NRXN3: variants seen among roughly 807,000 people sequenced by gnomAD.
NRXN3 encodes neurexin III.
A neutral mutation model predicts 137.6 loss-of-function variants in NRXN3; 32 were observed. The ratio of observed to expected loss-of-function variants is 0.23; its 90% CI spans 0.18 to 0.31. The LOEUF (loss-of-function observed/expected upper bound fraction) is 0.31, where lower values mean the gene tolerates loss of function less well. Among genes scored for constraint, NRXN3 ranks in the 10% least tolerant of loss-of-function variants. The pLI, the probability that NRXN3 is intolerant of heterozygous loss-of-function variation, is 1.00. For missense variants in NRXN3, 1,574 were observed against 2,062.5 expected (o/e 0.76, Z 4.59); for synonymous variants, 798 against 784.5 (o/e 1.02, Z -0.29).
intron 4 of NRXN3, among the ~76,000 whole-genome samples, chr14:78,483,484 A>G (rs886832398): frequency 1.3e-5 from 2 of 152,168 alleles, no homozygotes; most frequent in Non-Finnish European, 2.9e-5. Context: ...AATCCAACAA[A>G]TCAACTACTA....
chr14:78,719,132 A>G (rs1355268686), intron 8 of NRXN3, among the ~76,000 whole-genome samples: 2 of 152,210 alleles, frequency 1.3e-5, no homozygotes, highest in Non-Finnish European at 1.5e-5. Context: ...ATTTTAGACC[A>G]TTGCTGAATC....
intron 14 of NRXN3, among the ~76,000 whole-genome samples, chr14:78,982,001 A>G (rs2099490639): frequency 1.3e-5 from 2 of 152,170 alleles, no homozygotes; most frequent in South Asian, 2.1e-4. Context: ...TAGTTATTAC[A>G]TACTGTACTT....
chr14:78,744,844 T>C (rs1157704414), intron 8 of NRXN3: 1 of 152,130 alleles, frequency 6.6e-6, no homozygotes, highest in African/African-American at 2.4e-5. Flanking sequence ...AACTGGGGCA[T>C]GTAGGGGCAA....
intron 8 of NRXN3, among the ~76,000 whole-genome samples, chr14:78,783,376 A>G (rs897374109): frequency 6.6e-6 from 1 of 152,248 alleles, no homozygotes; most frequent in African/African-American, 2.4e-5. Flanking sequence ...AAAAGACATG[A>G]AAGACAACAA....
At chr14:78,750,098 A>G (rs1218832254) in intron 8 of NRXN3, among the ~76,000 whole-genome samples, 2 of 152,226 alleles carry the variant, frequency 1.3e-5, no homozygotes, top group Admixed American at 6.5e-5. Flanking sequence ...CCATGAATCT[A>G]GCTTCCGCTA....
At position 78,889,499 on chromosome 14, in the gene NRXN3, G is replaced by A. The variant is rs148275262; in HGVS notation, c.2276-67743G>A. On this transcript the variant is annotated intron_variant, in intron 10 of 20. Coordinates refer to ENST00000335750, the MANE Select transcript of NRXN3 (RefSeq NM_001330195.2). ...GTGGCTAGCTCCTTTCATGATTTTG[G>A]GAATGGCTACCTCTCAGTTTTCTGA... Among the ~76,000 whole-genome samples, 760 of 151,974 alleles carry A rather than the reference G, an allele frequency of 5.0e-3. 10 individuals carry two copies. Among genetic ancestry groups the A allele is most frequent in the African/African-American group, 0.016 (681 of 41,494 alleles).
At chr14:79,174,699 A>T (rs959576250) in intron 15 of NRXN3, among the ~76,000 whole-genome samples, 1 of 151,514 alleles carries the variant, frequency 6.6e-6, no homozygotes, top group African/African-American at 2.4e-5. Context: ...TAAGTAAATT[A>T]TAGTAAATCC....
chr14:78,500,672 T>C (rs185515128), intron 4 of NRXN3, among the ~76,000 whole-genome samples: 35 of 152,296 alleles, frequency 2.3e-4, no homozygotes, highest in African/African-American at 4.8e-4. Flanking sequence ...CTTAGGGTCC[T>C]AAGAGAAGAC....
At position 78,709,454 on chromosome 14, in the gene NRXN3, A is replaced by G. The variant is rs1464477175; in HGVS notation, c.1459A>G (p.Thr487Ala). 6.2e-7 allele frequency: 1 copy of G among 1,613,966 alleles called. No individual in the cohort carries two copies. Among genetic ancestry groups the G allele is most frequent in the African/African-American group, 1.3e-5 (1 of 74,882 alleles). ...AGAGCCCAATGGCCTGATCCTCTTC[A>G]CTCATGGAAAGCCCCAAGAGAGGAA... is the stretch of plus-strand genomic sequence containing the variant. ...TTEPNGLILF[T>A]HGKPQERKDA... is the part of the protein sequence containing the mutation. Residue 487 changes from threonine to alanine, a missense_variant, in exon 7 of 21, where the codon ACT becomes GCT. By Grantham distance (58) the Thr-to-Ala change is moderately conservative. Coordinates refer to ENST00000335750, the MANE Select transcript of NRXN3 (RefSeq NM_001330195.2).
At chr14:79,766,803 GGAA>G (rs1050852463) in intron 19 of NRXN3, among the ~76,000 whole-genome samples, 57 of 152,322 alleles carry the variant, frequency 3.7e-4, no homozygotes, top group African/African-American at 1.3e-3. Flanking sequence ...CAGGCAGGCA[GGAA>G]GAAGAAGGGC....
At chr14:78,367,321 C>A (rs2086113019) in intron 4 of NRXN3, among the ~76,000 whole-genome samples, 1 of 152,074 alleles carries the variant, frequency 6.6e-6, no homozygotes, top group South Asian at 2.1e-4. Context: ...AGAAAAATAA[C>A]ACCACCAAGA....
chr14:79,578,288 C>G (rs2097683571), intron 16 of NRXN3, among the ~76,000 whole-genome samples: 2 of 152,202 alleles, frequency 1.3e-5, no homozygotes, highest in African/African-American at 4.8e-5. Flanking sequence ...GGTCAAATAA[C>G]TCCTCCAGGC....
intron 8 of NRXN3, among the ~76,000 whole-genome samples, chr14:78,716,919 A>G (rs1416808451): frequency 6.6e-6 from 1 of 152,210 alleles, no homozygotes; most frequent in South Asian, 2.1e-4. Flanking sequence ...CATCTGGGAC[A>G]GGAATAGGCC....
At chr14:79,201,042 C>T (rs1406082862) in intron 15 of NRXN3, 6 of 152,020 alleles carry the variant, frequency 3.9e-5, no homozygotes, top group Admixed American at 1.3e-4. Flanking sequence ...AGGACAATGG[C>T]ACAGACTGAG....
intron 16 of NRXN3, among the ~76,000 whole-genome samples, chr14:79,555,512 T>G (rs1482502520): frequency 1.3e-5 from 2 of 152,132 alleles, no homozygotes; most frequent in African/African-American, 4.8e-5. Context: ...TAGGATATAG[T>G]AACAAAATAA....
At chr14:78,804,081 G>T (rs1404688058) in intron 9 of NRXN3, among the ~76,000 whole-genome samples, 3 of 152,012 alleles carry the variant, frequency 2.0e-5, no homozygotes, top group Non-Finnish European at 4.4e-5. Flanking sequence ...TCCTTTCTTG[G>T]TTTTTTGGAA....
intron 19 of NRXN3, among the ~76,000 whole-genome samples, chr14:79,713,163 A>C (rs969339594): frequency 3.7e-5 from 2 of 54,632 alleles, no homozygotes; most frequent in Admixed American, 1.7e-4. Flanking sequence ...ACTGATTTTT[A>C]CTTTTTTTTT....
At chr14:79,781,409 A>G (rs1341387941) in intron 19 of NRXN3, among the ~76,000 whole-genome samples, 1 of 152,244 alleles carries the variant, frequency 6.6e-6, no homozygotes, top group African/African-American at 2.4e-5. Flanking sequence ...GAAGTCAAGA[A>G]AGAAACATAA....
At chr14:79,580,280 G>A (rs1467640896) in intron 16 of NRXN3, among the ~76,000 whole-genome samples, 5 of 152,118 alleles carry the variant, frequency 3.3e-5, no homozygotes. Context: ...TTGATATATT[G>A]ATTTCTTTTC....
Sources: gnomAD v4.1 joint callset for allele counts (sites outside exome capture counted in the v4.1 genomes callset) on GRCh38, gnomAD v4.1.1 for gene constraint, MANE v1.5 for transcripts, NCBI Gene and HGNC (gene_info 2026-07-23, HGNC 2026-07-21) for gene names.